Variants in TRAPPC9 observed in about 807,000 individuals in gnomAD.
TRAPPC9 encodes the protein IKK2 binding protein.
TRAPPC9 carries 83 observed loss-of-function variants against 124.0 expected under a neutral mutation model. The ratio of observed to expected loss-of-function variants is 0.67; its 90% confidence interval spans 0.56 to 0.80. The LOEUF is 0.80. Among genes scored for constraint, TRAPPC9 ranks in the 30% least tolerant of loss-of-function variants. TRAPPC9 has a pLI of 0.00. For synonymous variants in TRAPPC9, 638 were observed against 617.5 expected (o/e 1.03, Z -0.49); for missense variants, 1,302 against 1,508.3 (o/e 0.86, Z 2.27).
intron 20 of TRAPPC9, among the ~76,000 whole-genome samples, chr8:139,896,698 C>A (rs1367054996): frequency 6.6e-6 from 1 of 152,196 alleles, no homozygotes; most frequent in African/African-American, 2.4e-5. Context: ...AGCCATGAGT[C>A]CCACTGGACA....
At chr8:140,301,304 A>G (rs555057749) in intron 10 of TRAPPC9, among the ~76,000 whole-genome samples, 137 of 152,354 alleles carry the variant, frequency 9.0e-4, no homozygotes, top group African/African-American at 3.2e-3. Flanking sequence ...TAGCATTAAG[A>G]TAAATTTACC....
intron 9 of TRAPPC9, among the ~76,000 whole-genome samples, chr8:140,352,122 T>C (rs1243672306): frequency 6.6e-6 from 1 of 152,164 alleles, no homozygotes; most frequent in Admixed American, 6.5e-5. Flanking sequence ...AAAACATGTG[T>C]GTGGAATTCA....
chr8:139,900,236 CGCTGTTT>C (rs1302971435), intron 20 of TRAPPC9, among the ~76,000 whole-genome samples: 2 of 152,224 alleles, frequency 1.3e-5, no homozygotes, highest in Non-Finnish European at 1.5e-5. Context: ...CCAGAGACGG[CGCTGTTT>C]GCTGTCTTTG....
At chr8:139,839,463 G>A (rs921348284) in intron 21 of TRAPPC9, among the ~76,000 whole-genome samples, 6 of 152,224 alleles carry the variant, frequency 3.9e-5, no homozygotes, top group Non-Finnish European at 7.3e-5. Context: ...CTGACAGGCC[G>A]TCTCTGCGGG....
chr8:140,404,872 G>A (rs187684866), intron 6 of TRAPPC9, among the ~76,000 whole-genome samples: 39 of 151,892 alleles, frequency 2.6e-4, no homozygotes, highest in African/African-American at 7.0e-4. Flanking sequence ...GTGAGCATGC[G>A]CGTGTAAGTG....
At chr8:140,242,205 G>A (rs1451622565) in intron 16 of TRAPPC9, among the ~76,000 whole-genome samples, 1 of 152,050 alleles carries the variant, frequency 6.6e-6, no homozygotes, top group Non-Finnish European at 1.5e-5. Context: ...AGACACCAAA[G>A]TGAGGAGCCC....
intron 21 of TRAPPC9, among the ~76,000 whole-genome samples, chr8:139,802,241 C>T (rs1823590339): frequency 6.6e-6 from 1 of 152,220 alleles, no homozygotes; most frequent in South Asian, 2.1e-4. Flanking sequence ...CCCACCTGAT[C>T]ATGGCGCAGG....
At chr8:139,792,232 G>A (rs981308503) in intron 21 of TRAPPC9, among the ~76,000 whole-genome samples, 2 of 152,134 alleles carry the variant, frequency 1.3e-5, no homozygotes, top group Admixed American at 6.5e-5. Flanking sequence ...CCTGAGATGG[G>A]GGGTGGCCAG....
In TRAPPC9 at chr8:139,990,575, C is replaced by T. The variant is rs556979864; in HGVS notation, c.2700-1739G>A. 1.5e-4 allele frequency among the ~76,000 whole-genome samples: 23 copies of T among 152,170 alleles called. No individual in the cohort carries two copies. The East Asian group carries it at 2.7e-3, about 18-fold the overall frequency. ...CCTGCTCTCAGGCAGAAAGCAGGAA[C>T]ATGTCACCATTTCTTTTTCTTTTTT... On this transcript the variant is annotated intron_variant, in intron 18 of 22. Transcript: ENST00000438773.
In TRAPPC9 at chr8:139,788,422, C is replaced by T. The variant is rs1822423344; in HGVS notation, c.3056-56220G>A. On this transcript the variant is annotated intron_variant, in intron 21 of 22. Transcript: ENST00000438773. This position sits in a 1 kb window ranked among gnomAD's most constrained non-coding sequence, Gnocchi z 4.9. Reference sequence around the variant, plus strand: ...TAACTATCAGGCAGGGCAAGGATGGCGGCTGCTGGGGAGGGAGAGCGGGAG... The same window carrying T: ...TAACTATCAGGCAGGGCAAGGATGGTGGCTGCTGGGGAGGGAGAGCGGGAG... Among the ~76,000 whole-genome samples the T allele has an allele frequency of 6.6e-6, 1 of 152,236 alleles. No homozygotes were observed. The highest frequency in any genetic ancestry group is 6.5e-5 in the Admixed American group (1 of 15,284).
At chr8:140,264,978 T>C (rs2064576841) in intron 15 of TRAPPC9, among the ~76,000 whole-genome samples, 1 of 152,036 alleles carries the variant, frequency 6.6e-6, no homozygotes, top group African/African-American at 2.4e-5. Flanking sequence ...AGACAAGTCA[T>C]AAAGCTAAAC....
intron 17 of TRAPPC9, among the ~76,000 whole-genome samples, chr8:140,149,753 G>A (rs564803597): frequency 3.3e-5 from 5 of 152,210 alleles, no homozygotes; most frequent in South Asian, 2.1e-4. Flanking sequence ...CATCATCCAC[G>A]GTTCCAGGCA....
At chr8:139,965,789 C>CAAGGGGAAATACAAACA (rs1835667156) in intron 19 of TRAPPC9, among the ~76,000 whole-genome samples, 20 of 152,068 alleles carry the variant, frequency 1.3e-4, no homozygotes, top group South Asian at 4.1e-4. Flanking sequence ...CCATGTTGAG[C>CAAGGGGAAATACAAACA]AGAGTTGGCT....
At chr8:140,100,858 A>G (rs1449200248) in intron 17 of TRAPPC9, among the ~76,000 whole-genome samples, 1 of 152,182 alleles carries the variant, frequency 6.6e-6, no homozygotes, top group African/African-American at 2.4e-5. Context: ...CCGAGGCGAA[A>G]GCCTGGGTGG....
chr8:140,278,479 G>A (rs1470122034), intron 14 of TRAPPC9, among the ~76,000 whole-genome samples: 1 of 152,196 alleles, frequency 6.6e-6, no homozygotes, highest in African/African-American at 2.4e-5. Context: ...TACTCACTAA[G>A]TATGTATTGA....
intron 17 of TRAPPC9, among the ~76,000 whole-genome samples, chr8:140,213,585 A>ATTT (rs11402721): frequency 1.3e-5 from 2 of 149,734 alleles, no homozygotes; most frequent in Non-Finnish European, 3.0e-5. Flanking sequence ...TTTAATCTAC[A>ATTT]TTTTTTTTTT....
intron 9 of TRAPPC9, among the ~76,000 whole-genome samples, chr8:140,330,255 T>C (rs1172087193): frequency 6.6e-6 from 1 of 152,072 alleles, no homozygotes; most frequent in African/African-American, 2.4e-5. Context: ...CTTTTCTTCA[T>C]TCTGCATATA....
At chr8:140,018,324 A>ATTTTTTCTTTTTTTTTTTTTTTTTTCTT (rs765656679) in intron 18 of TRAPPC9, among the ~76,000 whole-genome samples, 5 of 119,778 alleles carry the variant, frequency 4.2e-5, no homozygotes, top group African/African-American at 1.6e-4. Flanking sequence ...AACGTAAGTG[A>ATTTTTTCTTTTTTTTTTTTTTTTTTCTT]TTTTTTTTTT....
chr8:139,796,695 T>C (rs997484217), intron 21 of TRAPPC9, among the ~76,000 whole-genome samples: 1 of 152,262 alleles, frequency 6.6e-6, no homozygotes, highest in Non-Finnish European at 1.5e-5. Flanking sequence ...TTGGTTATTA[T>C]GAACAACGGT....
Sources: allele counts gnomAD v4.1 joint callset (sites outside exome capture counted in the v4.1 genomes callset), GRCh38; gene constraint gnomAD v4.1.1; non-coding constraint Gnocchi (gnomAD v3.1); transcripts MANE v1.5; gene names NCBI Gene and HGNC (gene_info 2026-07-23, HGNC 2026-07-21).